GNAI2: variants seen among roughly 807,000 people sequenced by gnomAD.
GNAI2 encodes the protein guanine nucleotide-binding protein G(i) subunit alpha-2.
In GNAI2, 4 loss-of-function variants were observed where a neutral mutation model predicts 36.8. The ratio of observed to expected loss-of-function variants is 0.11; its 90% CI spans 0.05 to 0.25. The LOEUF (loss-of-function observed/expected upper bound fraction) is 0.25. Ranked by LOEUF, GNAI2 falls within the 10% of genes least tolerant of loss-of-function variation. The probability of loss-of-function intolerance (pLI) is 1.00; values close to 1 mark genes in which losing one functional copy is unlikely to be tolerated. For missense variants in GNAI2, 230 were observed against 481.3 expected, an observed-to-expected ratio of 0.48 and a Z score of 4.89; for synonymous variants, 194 against 194.1, an observed-to-expected ratio of 1.00 and a Z score of 0.01.
chr3:50,234,346 C>T (rs140339047), upstream of GNAI2, among the ~76,000 whole-genome samples: 1,496 of 151,020 alleles, frequency 9.9e-3, 20 homozygotes, highest in African/African-American at 0.035. Context: ...CGTGAGCCAC[C>T]GTGCCCGGTC....
Position 50,236,263 on chromosome 3 carries a change from T to TGGGTCGGGCG in GNAI2, c.-69_-60dup, listed in dbSNP as rs1700164589. 5.8e-6 allele frequency: 7 copies of TGGGTCGGGCG among 1,217,074 alleles called. No homozygotes were observed. The highest frequency in any genetic ancestry group is 7.2e-6 in the Non-Finnish European group (7 of 977,824). 75.4% of individuals were successfully genotyped at this position (1,217,074 alleles called of 1,614,324 possible). A position where few individuals can be genotyped will look rare whatever the true frequency, so the allele number is the denominator to read the frequency against. ...CAGAGGGCTGGTGGTGGGAGCGGAG[T>TGGGTCGGGCG]GGGTCGGGCGGGGCCGAGCCGGGCC... On this transcript the variant is annotated 5_prime_UTR_variant, in exon 1 of 9. Coordinates refer to ENST00000313601, the MANE Select transcript of GNAI2 (RefSeq NM_002070.4). The surrounding 1 kb of genome is among the most constrained non-coding windows in gnomAD (Gnocchi z 4.0).
At position 50,253,218 on chromosome 3, in the gene GNAI2, A is replaced by AGGGGCTGG. The variant is rs782081000; in HGVS notation, c.464+38_464+45dup. The AGGGGCTGG allele has an allele frequency of 6.5e-6, 10 of 1,542,854 alleles. No homozygotes were observed. The highest frequency in any genetic ancestry group is 8.9e-6 in the Non-Finnish European group (10 of 1,125,382). ...TCTGAGGGGCTGGGCAGGGCAGGGC[A>AGGGGCTGG]GGGGCTGGGGGAGGACTAAAGGCTG... On this transcript the variant is annotated intron_variant, in intron 4 of 8. Transcript: ENST00000313601. This position sits in a 1 kb window ranked among gnomAD's most constrained non-coding sequence, Gnocchi z 4.2.
At chr3:50,232,626 G>A (rs1156449882), upstream of GNAI2, among the ~76,000 whole-genome samples, 1 of 152,198 alleles carries the variant, frequency 6.6e-6, no homozygotes, top group Non-Finnish European at 1.5e-5. Context: ...AGTGTGTGTG[G>A]GGGCTTCATC....
Position 50,246,027 on chromosome 3 carries a change from C to T in GNAI2, c.119-6073C>T, listed in dbSNP as rs116224256. 3.1e-3 allele frequency among the ~76,000 whole-genome samples: 474 copies of T among 152,292 alleles called. 2 individuals carry two copies. Among genetic ancestry groups the T allele is most frequent in the African/African-American group, 0.011 (454 of 41,560 alleles). On this transcript the variant is annotated intron_variant, in intron 1 of 8. Transcript: ENST00000313601. The stretch of plus-strand genomic sequence containing the variant: ...ACATGGGTGGGAGTGTTGCCGGTCC[C>T]TTTCAAGACCTCGAGTCCCTGCCTC...
chr3:50,257,751 A>C (rs1700741221), intron 8 of GNAI2, 37 bp downstream of exon 8: 5 of 1,238,636 alleles, frequency 4.0e-6, no homozygotes, highest in Non-Finnish European at 4.4e-6. Context: ...GCTGGGGAAG[A>C]ACTAAGCGGG....
chr3:50,236,678 C>G lies in GNAI2; in HGVS notation c.118+225C>G, dbSNP rs1553700439. On this transcript the variant is annotated intron_variant, in intron 1 of 8. Transcript: ENST00000313601. The surrounding 1 kb of genome is among the most constrained non-coding windows in gnomAD (Gnocchi z 4.0). ...ATCCCAGACCCCAGACCTCCAAATC[C>G]AGTCAACAGTGCCCCAACACCCGCG... is the stretch of plus-strand genomic sequence containing the variant. 6.6e-6 allele frequency among the ~76,000 whole-genome samples: 1 copy of G among 152,042 alleles called. No homozygotes were observed. Among genetic ancestry groups the G allele is most frequent in the African/African-American group, 2.4e-5 (1 of 41,382 alleles).
At chr3:50,228,810 T>C (rs1158642623), upstream of GNAI2, among the ~76,000 whole-genome samples, 1 of 152,204 alleles carries the variant, frequency 6.6e-6, no homozygotes, top group Non-Finnish European at 1.5e-5. Context: ...AAGTCACTCC[T>C]GACAAGGCCC....
intron 1 of GNAI2, among the ~76,000 whole-genome samples, chr3:50,246,021 CG>C (rs1259047446): frequency 1.3e-5 from 2 of 152,136 alleles, no homozygotes; most frequent in Non-Finnish European, 1.5e-5. Flanking sequence ...GGAGTGTTGC[CG>C]GTCCCTTTCA....
chr3:50,231,076 A>G (rs1553699753), intron 1 of GNAI2: 1 of 273,084 alleles, frequency 3.7e-6, no homozygotes, highest in African/African-American at 2.3e-5. Flanking sequence ...CTACCACCCT[A>G]CCTTTGCATG....
chr3:50,252,975 A>C lies in GNAI2; in HGVS notation c.304-49A>C. On this transcript the variant is annotated intron_variant, in intron 3 of 8. Transcript: ENST00000313601. The surrounding 1 kb of genome is among the most constrained non-coding windows in gnomAD (Gnocchi z 4.1). ...CCAGAGGTCTCCCTGCCTCTGGCAG[A>C]GTGGGGGTACATTCCTTCAACTGCC... is the stretch of plus-strand genomic sequence containing the variant. The C allele has an allele frequency of 6.6e-7, 1 of 1,503,934 alleles. No individual in the cohort carries two copies. Among genetic ancestry groups the C allele is most frequent in the South Asian group, 1.2e-5 (1 of 81,078 alleles). The allele number at this position is 1,503,934 out of a possible 1,614,324, so 93.2% of individuals were successfully genotyped here.
At chr3:50,246,213 GTC>G (rs1231971264) in intron 1 of GNAI2, among the ~76,000 whole-genome samples, 2 of 152,250 alleles carry the variant, frequency 1.3e-5, no homozygotes, top group African/African-American at 4.8e-5. Flanking sequence ...TGTGTGCCGA[GTC>G]TCTGCAGGCT....
chr3:50,251,478 G>A (rs1219377228), intron 1 of GNAI2: 109 of 1,078,914 alleles, frequency 1.0e-4, no homozygotes, highest in Non-Finnish European at 1.2e-4. Context: ...GAGTCAGTAC[G>A]CGTGTGTGTT....
At chr3:50,258,002 A>G (rs1700751369) in intron 8 of GNAI2, 1 of 293,648 alleles carries the variant, frequency 3.4e-6, no homozygotes. Flanking sequence ...CCCTGGAGAA[A>G]TCTCACCTCC....
chr3:50,252,642 C>T lies in GNAI2; in HGVS notation c.303+104C>T, dbSNP rs782634168. On this transcript the variant is annotated intron_variant, in intron 3 of 8. Coordinates refer to ENST00000313601, the MANE Select transcript of GNAI2 (RefSeq NM_002070.4). The surrounding 1 kb of genome is among the most constrained non-coding windows in gnomAD (Gnocchi z 4.1). ...ATCCCAGCACTTTGGGACGCCGAGG[C>T]GGGTGGATCACCTGAGGTCAGGACC... 3.4e-5 allele frequency: 33 copies of T among 977,642 alleles called. No individual in the cohort carries two copies. Among genetic ancestry groups the T allele is most frequent in the Admixed American group, 1.3e-4 (6 of 47,270 alleles). 60.6% of individuals were successfully genotyped at this position (977,642 alleles called of 1,614,324 possible).
chr3:50,259,069 C>A lies in GNAI2; in HGVS notation c.*726C>A. On this transcript the variant is annotated 3_prime_UTR_variant, in exon 9 of 9. Transcript: ENST00000313601. ...GCTGGCCGCCCCCGTGCGAGCGGCA[C>A]CCCTGCCCTGCCCTCCACAGAATTG... 2 of 393,586 alleles carry A rather than the reference C, an allele frequency of 5.1e-6. No individual in the cohort carries two copies. The highest frequency in any genetic ancestry group is 1.8e-5 in the South Asian group (1 of 54,358). 24.4% of individuals were successfully genotyped at this position (393,586 alleles called of 1,614,324 possible). A position where few individuals can be genotyped will look rare whatever the true frequency, so the allele number is the denominator to read the frequency against.
Position 50,236,435 on chromosome 3 carries a change from G to A in GNAI2, c.100G>A (p.Val34Met). 1 of 1,577,562 alleles carries A rather than the reference G, an allele frequency of 6.3e-7. No homozygotes were observed. Among genetic ancestry groups the A allele is most frequent in the South Asian group, 1.2e-5 (1 of 86,676 alleles). The change falls in exon 1 of 9, where the codon GTG becomes ATG. Residue 34 changes from valine (V) to methionine (M), a missense_variant. This residue lies in a region of GNAI2 where 132 missense variants were observed against 247.4 expected (regional missense o/e 0.53). Coordinates refer to ENST00000313601, the MANE Select transcript of GNAI2 (RefSeq NM_002070.4). The surrounding 1 kb of genome is among the most constrained non-coding windows in gnomAD (Gnocchi z 4.0). ...GGACGGAGAGAAGGCGGCGCGGGAG[G>A]TGAAGTTGCTGCTGTTGGGTGAGGC... The part of the protein sequence containing the change: ...REDGEKAARE[V>M]KLLLLGAGES...
At chr3:50,237,896 C>T (rs1213138760) in intron 1 of GNAI2, among the ~76,000 whole-genome samples, 1 of 152,220 alleles carries the variant, frequency 6.6e-6, no homozygotes, top group Non-Finnish European at 1.5e-5. Flanking sequence ...CAGGGCTTTT[C>T]GTGCTGGACC....
intron 1 of GNAI2, chr3:50,251,752 G>A (rs782447052): frequency 1.5e-6 from 2 of 1,317,614 alleles, no homozygotes; most frequent in African/African-American, 1.5e-5. Context: ...AGGTTGGCGA[G>A]CCTATGTATG....
At chr3:50,257,457 C>T (rs1553703413) in intron 7 of GNAI2, 43 bp from the exon 8 acceptor site, 2 of 1,403,102 alleles carry the variant, frequency 1.4e-6, no homozygotes, top group Non-Finnish European at 9.8e-7. Flanking sequence ...ATGCGGCCTG[C>T]CTGCCACACA....
Sources: allele counts gnomAD v4.1 joint callset (sites outside exome capture counted in the v4.1 genomes callset), GRCh38; gene constraint gnomAD v4.1.1; regional missense constraint gnomAD v4.1.1; non-coding constraint Gnocchi (gnomAD v3.1); transcripts MANE v1.5; gene names NCBI Gene and HGNC (gene_info 2026-07-23, HGNC 2026-07-21).